CBARP: variants seen among roughly 807,000 people sequenced by gnomAD.
CBARP encodes voltage-dependent calcium channel beta subunit-associated regulatory protein.
CBARP carries 24 observed loss-of-function variants against 36.3 expected under a neutral mutation model. The ratio of observed to expected loss-of-function variants is 0.66; its 90% CI spans 0.48 to 0.93. The LOEUF (loss-of-function observed/expected upper bound fraction) is 0.93, where lower values mean the gene tolerates loss of function less well. Among genes scored for constraint, CBARP ranks in the 40% least tolerant of loss-of-function variants. CBARP has a pLI of 0.00. For missense variants in CBARP, 1,146 were observed against 980.4 expected (o/e 1.17, Z -2.26); for synonymous variants, 586 against 453.2 (o/e 1.29, Z -3.72).
intron 8 of CBARP, among the ~76,000 whole-genome samples, chr19:1,232,255 G>C (rs1172423828): frequency 6.6e-6 from 1 of 152,144 alleles, no homozygotes; most frequent in African/African-American, 2.4e-5. Context: ...CTCTCAGCTG[G>C]AGCGGGGCAG....
intron 1 of CBARP, among the ~76,000 whole-genome samples, chr19:1,236,912 C>A (rs2080982876): frequency 6.6e-6 from 1 of 151,090 alleles, no homozygotes; most frequent in African/African-American, 2.4e-5. Context: ...GCGGCCGCCT[C>A]CCCGCCGTGC....
rs1441080937 is a variant in CBARP at position 1,235,253 on chromosome 19, G to A, written c.311-108C>T. 7.4e-5 allele frequency: 92 copies of A among 1,244,396 alleles called. 3 individuals carry two copies. The South Asian group carries it at 8.7e-4, about 12-fold the overall frequency. The allele number at this position is 1,244,396 out of a possible 1,614,324, so 77.1% of individuals were successfully genotyped here. ...CCACGGCAGGGAGGGCTGGGGCCGC[G>A]GCACGGGCGGCCGGGCTGGCGGGGC... On this transcript the variant is annotated intron_variant, in intron 4 of 9. Coordinates refer to ENST00000650044, the MANE Select transcript of CBARP (RefSeq NM_001393918.1).
intron 5 of CBARP, 53 bp downstream of exon 5, chr19:1,234,948 C>T (rs538178362): frequency 2.6e-5 from 40 of 1,562,594 alleles, no homozygotes; most frequent in Admixed American, 1.8e-4. Flanking sequence ...CCCGTCCCGG[C>T]GGCCAGGACC....
intron 1 of CBARP, among the ~76,000 whole-genome samples, chr19:1,236,375 C>T (rs2080973493): frequency 6.6e-6 from 1 of 152,190 alleles, no homozygotes. Flanking sequence ...GCGCCTGTAC[C>T]CATCACAACT....
At chr19:1,231,553 C>T (rs1162103134) in intron 8 of CBARP, among the ~76,000 whole-genome samples, 10 of 79,658 alleles carry the variant, frequency 1.3e-4, no homozygotes, top group Non-Finnish European at 2.1e-4. Flanking sequence ...CTCACACACA[C>T]ACGCCTGTGC....
At chr19:1,233,774 G>T in intron 7 of CBARP, 138 bp from the exon 8 acceptor site, 1 of 849,852 alleles carries the variant, frequency 1.2e-6, no homozygotes, top group South Asian at 1.8e-5. Context: ...GCTCGGAGAG[G>T]GGCAGAAGCG....
In CBARP at chr19:1,229,169, G is replaced by A. The variant is rs1322125986; in HGVS notation, c.*10C>T. On this transcript the variant is annotated 3_prime_UTR_variant, in exon 10 of 10. Coordinates refer to ENST00000650044, the MANE Select transcript of CBARP (RefSeq NM_001393918.1). The surrounding 1 kb of genome is among the most constrained non-coding windows in gnomAD (Gnocchi z 5.1). ...GAAGCTGCCAGAGAGATGGGCCCAG[G>A]ACGCGGGACTTAGGCCGGGCTGTGG... 1.0e-5 allele frequency: 11 copies of A among 1,102,154 alleles called. No homozygotes were observed. Among genetic ancestry groups the A allele is most frequent in the Non-Finnish European group, 1.1e-5 (10 of 882,812 alleles). The allele number at this position is 1,102,154 out of a possible 1,614,324, so 68.3% of individuals were successfully genotyped here. A position where few individuals can be genotyped will look rare whatever the true frequency, so the allele number is the denominator to read the frequency against.
intron 4 of CBARP, 95 bp downstream of exon 4, chr19:1,235,406 G>T: frequency 7.5e-7 from 1 of 1,329,488 alleles, no homozygotes; most frequent in Non-Finnish European, 1.0e-6. Context: ...GGGGGAGACA[G>T]ACAGACACAG....
Position 1,232,277 on chromosome 19 carries a change from C to T in CBARP, c.980-1002G>A, listed in dbSNP as rs1599944022. On this transcript the variant is annotated intron_variant, in intron 8 of 9. Coordinates refer to ENST00000650044, the MANE Select transcript of CBARP (RefSeq NM_001393918.1). The stretch of plus-strand genomic sequence containing the variant: ...CTGGAGCGGGGCAGCCAGAGGAGGC[C>T]TTCCCCTCCCTGGCCCCTAGCTACC... Among the ~76,000 whole-genome samples the T allele has an allele frequency of 2.6e-5, 4 of 152,262 alleles. 1 individual carries two copies. The East Asian group carries it at 7.7e-4, about 29-fold the overall frequency.
upstream of CBARP, chr19:1,238,193 G>A (rs1314854897): frequency 6.6e-6 from 1 of 152,066 alleles, no homozygotes; most frequent in Non-Finnish European, 1.5e-5. Flanking sequence ...ACGCAGCTGG[G>A]GGTGTCCTGG....
rs749089918 is a variant in CBARP, at chr19:1,230,942, G to T, written c.1154+159C>A. On this transcript the variant is annotated intron_variant, in intron 9 of 9. Coordinates refer to ENST00000650044, the MANE Select transcript of CBARP (RefSeq NM_001393918.1). The stretch of plus-strand genomic sequence containing the variant: ...TCCTCTGGTCCATGCTGGAGAGGTG[G>T]CCCCAGTGAGTCCGCCTCTGGGAGG... 6 of 1,581,988 alleles carry T rather than the reference G, an allele frequency of 3.8e-6. No homozygotes were observed. The East Asian group carries it at 1.1e-4, about 30-fold the overall frequency.
At position 1,228,561 on chromosome 19, in the gene CBARP, G is replaced by GGCA. The variant is rs1173753638; in HGVS notation, c.*615_*617dup. On this transcript the variant is annotated 3_prime_UTR_variant, in exon 10 of 10. Coordinates refer to ENST00000650044, the MANE Select transcript of CBARP (RefSeq NM_001393918.1). ...CGGGGCCGGCTCCCTCAGGGCCGGC[G>GGCA]GCAGCAGCGGTGGCGGCGCGGTTAT... 7 of 173,666 alleles carry GGCA rather than the reference G, an allele frequency of 4.0e-5. No homozygotes were observed. The highest frequency in any genetic ancestry group is 1.7e-4 in the African/African-American group (7 of 42,062). The allele number at this position is 173,666 out of a possible 1,614,324, so 10.8% of individuals were successfully genotyped here.
chr19:1,233,169 G>C (rs1305079844), intron 8 of CBARP, among the ~76,000 whole-genome samples: 1 of 152,222 alleles, frequency 6.6e-6, no homozygotes, highest in African/African-American at 2.4e-5. Flanking sequence ...CCCGAGAGCA[G>C]TCGGGGCGCG....
At chr19:1,237,517 G>T (rs552783292) in intron 1 of CBARP, among the ~76,000 whole-genome samples, 4 of 152,116 alleles carry the variant, frequency 2.6e-5, no homozygotes, top group Non-Finnish European at 4.4e-5. Flanking sequence ...CCGACGCCAG[G>T]GCTGAGCCGA....
At position 1,229,078 on chromosome 19, in the gene CBARP, C is replaced by A. The variant is rs1318352818; in HGVS notation, c.*101G>T. 1.3e-5 allele frequency: 4 copies of A among 306,236 alleles called. No homozygotes were observed. Among genetic ancestry groups the A allele is most frequent in the Non-Finnish European group, 1.9e-5 (4 of 209,314 alleles). The allele number at this position is 306,236 out of a possible 1,614,324, so 19.0% of individuals were successfully genotyped here. A position where few individuals can be genotyped will look rare whatever the true frequency, so the allele number is the denominator to read the frequency against. ...GTGCGCGAAGGGCCCGCGGTCCCCG[C>A]GCATTCGCGTCGGGGCGTCGCGCCC... On this transcript the variant is annotated 3_prime_UTR_variant, in exon 10 of 10. Coordinates refer to ENST00000650044, the MANE Select transcript of CBARP (RefSeq NM_001393918.1). The surrounding 1 kb of genome is among the most constrained non-coding windows in gnomAD (Gnocchi z 5.1).
Position 1,231,291 on chromosome 19 carries a change from GC to G in CBARP, c.980-17del. 6.3e-7 allele frequency: 1 copy of G among 1,595,706 alleles called. No homozygotes were observed. Among genetic ancestry groups the G allele is most frequent in the Non-Finnish European group, 8.5e-7 (1 of 1,177,262 alleles). On this transcript the variant is annotated splice_polypyrimidine_tract_variant and intron_variant, in intron 8 of 9. Transcript: ENST00000650044. ...TTGGGGGAACCTGCGCACGGGATGT[GC>G]CGTAAGCGTCAGCCGGCATGTGCCT...
chr19:1,230,670 G>A (rs1457019709), intron 9 of CBARP: 2 of 1,278,234 alleles, frequency 1.6e-6, no homozygotes, highest in Non-Finnish European at 2.0e-6. Flanking sequence ...TGGGCCCTGG[G>A]CTTCAGGGAA....
intron 8 of CBARP, among the ~76,000 whole-genome samples, chr19:1,232,115 C>T (rs894266081): frequency 6.6e-6 from 1 of 152,106 alleles, no homozygotes; most frequent in Non-Finnish European, 1.5e-5. Context: ...GCCCCCTTCT[C>T]CCAACAGCCT....
intron 1 of CBARP, among the ~76,000 whole-genome samples, chr19:1,236,854 G>T (rs947245470): frequency 6.1e-5 from 9 of 146,480 alleles, no homozygotes; most frequent in African/African-American, 1.5e-4. Flanking sequence ...GGCGGCCTGG[G>T]GGGGGGCGGC....
Sources: gnomAD v4.1 joint callset for allele counts (sites outside exome capture counted in the v4.1 genomes callset) on GRCh38, gnomAD v4.1.1 for gene constraint, Gnocchi (gnomAD v3.1) non-coding constraint, MANE v1.5 for transcripts, NCBI Gene and HGNC (gene_info 2026-07-23, HGNC 2026-07-21) for gene names.